Variants in AGMO observed in about 807,000 individuals in gnomAD.
AGMO encodes the protein glyceryl-ether monooxygenase.
Under a neutral mutation model 60.2 loss-of-function variants are expected in AGMO, and 75 were observed. The ratio of observed to expected loss-of-function variants is 1.25; its 90% CI spans 1.03 to 1.51. The LOEUF (loss-of-function observed/expected upper bound fraction) is 1.51. Ranked by LOEUF, AGMO falls within the 40% of genes most tolerant of loss-of-function variation. The pLI, the probability that AGMO is intolerant of heterozygous loss-of-function variation, is 0.00. For synonymous variants in AGMO, 261 were observed against 177.1 expected, an observed-to-expected ratio of 1.47 and a Z score of -3.76; for missense variants, 763 against 525.5, an observed-to-expected ratio of 1.45 and a Z score of -4.42.
the AGMO span, among the ~76,000 whole-genome samples, chr7:15,118,120 C>A: frequency 6.6e-6 from 1 of 150,552 alleles, no homozygotes; most frequent in Admixed American, 6.7e-5. Flanking sequence ...AACAGTCAAA[C>A]ATGCATGAGA....
At chr7:15,209,286 C>A (rs116877068) in intron 12 of AGMO, among the ~76,000 whole-genome samples, 3,924 of 152,194 alleles carry the variant, frequency 0.026, 60 homozygotes, top group Non-Finnish European at 0.036. Flanking sequence ...TTTACAAATG[C>A]AGAATAGCAT....
rs150067433 is a variant in AGMO, at chr7:15,385,937, T to C, written c.958-375A>G. Among the ~76,000 whole-genome samples the C allele has an allele frequency of 2.0e-3, 311 of 152,220 alleles. 4 individuals carry two copies. The highest frequency in any genetic ancestry group is 2.5e-3 in the Non-Finnish European group (170 of 68,018). Reference sequence around the variant, plus strand: ...GACTCACGCCTGTAATCCCAGCACTTTGGGAGGCCGAGGCAGGCGGATCAT... The same window carrying C: ...GACTCACGCCTGTAATCCCAGCACTCTGGGAGGCCGAGGCAGGCGGATCAT... On this transcript the variant is annotated intron_variant, in intron 9 of 12. Coordinates refer to ENST00000342526, the MANE Select transcript of AGMO (RefSeq NM_001004320.2).
intron 12 of AGMO, among the ~76,000 whole-genome samples, chr7:15,241,154 A>G (rs1275998023): frequency 1.3e-5 from 2 of 152,070 alleles, no homozygotes; most frequent in South Asian, 4.1e-4. Context: ...TCAAGCCAAC[A>G]TGGTAACATC....
At chr7:15,314,137 C>T (rs139946537) in intron 12 of AGMO, among the ~76,000 whole-genome samples, 24 of 151,910 alleles carry the variant, frequency 1.6e-4, no homozygotes, top group African/African-American at 5.6e-4. Flanking sequence ...GCATATATAG[C>T]ATGGATAAGT....
chr7:15,428,743 C>G (rs1781140808), intron 4 of AGMO, among the ~76,000 whole-genome samples: 1 of 152,014 alleles, frequency 6.6e-6, no homozygotes, highest in Admixed American at 6.6e-5. Flanking sequence ...TTTGATAATT[C>G]CTCAGGTAAT....
chr7:15,387,812 A>G (rs1458012942), intron 8 of AGMO, among the ~76,000 whole-genome samples: 1 of 152,186 alleles, frequency 6.6e-6, no homozygotes, highest in Non-Finnish European at 1.5e-5. Context: ...GACAATCAGC[A>G]AAGTAGGAAA....
chr7:15,145,863 A>C, the AGMO span, among the ~76,000 whole-genome samples: 1 of 152,106 alleles, frequency 6.6e-6, no homozygotes, highest in African/African-American at 2.4e-5. Context: ...AGAAAACTCT[A>C]ATTTCATCTT....
At chr7:15,337,159 T>A (rs377089184) in intron 12 of AGMO, among the ~76,000 whole-genome samples, 35 of 152,318 alleles carry the variant, frequency 2.3e-4, no homozygotes, top group African/African-American at 8.4e-4. Context: ...AAGAAGTTTA[T>A]ATTGCAACTA....
At chr7:15,543,308 C>T (rs542762001) in intron 3 of AGMO, among the ~76,000 whole-genome samples, 1 of 152,300 alleles carries the variant, frequency 6.6e-6, no homozygotes, top group South Asian at 2.1e-4. Context: ...TCAGCCCCTA[C>T]TTATCCCTGC....
chr7:15,264,782 C>T (rs1051552642), intron 12 of AGMO, among the ~76,000 whole-genome samples: 7 of 152,000 alleles, frequency 4.6e-5, no homozygotes, highest in Non-Finnish European at 8.8e-5. Flanking sequence ...CAAAATATAA[C>T]AAGTGCTGGT....
chr7:15,541,739 C>A (rs773037731), intron 3 of AGMO, among the ~76,000 whole-genome samples: 1 of 152,090 alleles, frequency 6.6e-6, no homozygotes, highest in East Asian at 1.9e-4. Context: ...GCAACACAAA[C>A]AAATGACAAC....
chr7:15,459,738 G>C (rs1000011931), intron 3 of AGMO, among the ~76,000 whole-genome samples: 3 of 151,898 alleles, frequency 2.0e-5, no homozygotes, highest in Non-Finnish European at 2.9e-5. Flanking sequence ...TGCATGGACT[G>C]TATTTGACTC....
At chr7:15,532,977 C>A (rs1161015714) in intron 3 of AGMO, among the ~76,000 whole-genome samples, 1 of 152,048 alleles carries the variant, frequency 6.6e-6, no homozygotes, top group East Asian at 1.9e-4. Context: ...GGTGACAGAG[C>A]AAAACCCTGT....
chr7:15,344,466 G>T (rs573634136), intron 12 of AGMO, among the ~76,000 whole-genome samples: 1 of 152,118 alleles, frequency 6.6e-6, no homozygotes, highest in Non-Finnish European at 1.5e-5. Flanking sequence ...TTGGGAGGCC[G>T]AGGCAGATGG....
intron 12 of AGMO, among the ~76,000 whole-genome samples, chr7:15,231,912 A>G (rs548620767): frequency 1.3e-5 from 2 of 152,322 alleles, no homozygotes; most frequent in South Asian, 4.1e-4. Context: ...GTAGTTACTT[A>G]TATATTTATC....
At chr7:15,319,479 G>C (rs550845260) in intron 12 of AGMO, among the ~76,000 whole-genome samples, 1 of 152,180 alleles carries the variant, frequency 6.6e-6, no homozygotes, top group African/African-American at 2.4e-5. Flanking sequence ...AATAAACAAA[G>C]CTTTGCATGC....
At chr7:15,416,319 C>T (rs1027352474) in intron 5 of AGMO, among the ~76,000 whole-genome samples, 1 of 152,134 alleles carries the variant, frequency 6.6e-6, no homozygotes, top group Non-Finnish European at 1.5e-5. Flanking sequence ...CAGACATGAG[C>T]TTCTGTGCCA....
chr7:15,201,029 C>T lies in AGMO; in HGVS notation c.*256G>A. On this transcript the variant is annotated 3_prime_UTR_variant, in exon 13 of 13. Coordinates refer to ENST00000342526, the MANE Select transcript of AGMO (RefSeq NM_001004320.2). ...TTCTTTTTATACTTGTCATATAAGG[C>T]TATCAGTTAATATAACATCATTATA... The T allele has an allele frequency of 6.7e-6, 2 of 299,236 alleles. No homozygotes were observed. The highest frequency in any genetic ancestry group is 5.0e-5 in the Admixed American group (1 of 20,170). The allele number at this position is 299,236 out of a possible 1,614,324, so 18.5% of individuals were successfully genotyped here.
intron 3 of AGMO, among the ~76,000 whole-genome samples, chr7:15,455,320 G>A (rs1314289685): frequency 6.6e-6 from 1 of 152,028 alleles, no homozygotes; most frequent in Admixed American, 6.6e-5. Flanking sequence ...AAATTCTGCT[G>A]CAGAAATATT....
Sources: gnomAD v4.1 joint callset for allele counts (sites outside exome capture counted in the v4.1 genomes callset) on GRCh38, gnomAD v4.1.1 for gene constraint, MANE v1.5 for transcripts, NCBI Gene and HGNC (gene_info 2026-07-23, HGNC 2026-07-21) for gene names.